MED12L: variants seen among roughly 807,000 people sequenced by gnomAD.
The protein encoded by MED12L is mediator complex subunit 12L.
Under a neutral mutation model 281.3 loss-of-function variants are expected in MED12L, and 60 were observed. The ratio of observed to expected loss-of-function variants is 0.21; its 90% CI spans 0.17 to 0.26. MED12L has a LOEUF of 0.26. Among genes scored for constraint, MED12L ranks in the 10% least tolerant of loss-of-function variants. MED12L has a pLI of 1.00. For synonymous variants in MED12L, 974 were observed against 987.2 expected, an observed-to-expected ratio of 0.99 and a Z score of 0.25; for missense variants, 2,146 against 2,680.9, an observed-to-expected ratio of 0.80 and a Z score of 4.41.
intron 16 of MED12L, among the ~76,000 whole-genome samples, chr3:151,270,568 C>T (rs974298624): frequency 1.3e-5 from 2 of 152,016 alleles, no homozygotes; most frequent in African/African-American, 4.8e-5. Flanking sequence ...TGTGTCTCTG[C>T]GTGAATATGG....
intron 39 of MED12L, among the ~76,000 whole-genome samples, chr3:151,406,920 C>G (rs1030399768): frequency 2.0e-5 from 3 of 151,892 alleles, no homozygotes; most frequent in Non-Finnish European, 4.4e-5. Flanking sequence ...TCACCTCAAC[C>G]TTCCAAGTAG....
intron 2 of MED12L, among the ~76,000 whole-genome samples, chr3:151,087,661 A>G (rs991071343): frequency 3.3e-5 from 5 of 152,174 alleles, no homozygotes; most frequent in African/African-American, 9.7e-5. Context: ...AAAGCAGGCG[A>G]GTTACCTTGG....
At chr3:151,318,300 C>A (rs1262061072) in intron 16 of MED12L, among the ~76,000 whole-genome samples, 1 of 151,798 alleles carries the variant, frequency 6.6e-6, no homozygotes, top group Non-Finnish European at 1.5e-5. Context: ...TTGACTCTCT[C>A]TGTGCTATTT....
chr3:151,086,649 C>T (rs573222973), intron 1 of MED12L, 149 bp from the exon 2 acceptor site: 49 of 305,776 alleles, frequency 1.6e-4, no homozygotes, highest in Admixed American at 3.4e-4. Context: ...GGACCCTGGC[C>T]GACCTCTAGT....
rs1035962708 is a variant in MED12L at position 151,262,047 on chromosome 3, A to G, written c.2250+68381A>G. Among the ~76,000 whole-genome samples the G allele has an allele frequency of 4.6e-5, 7 of 152,210 alleles. 1 individual carries two copies. Among genetic ancestry groups the G allele is most frequent in the African/African-American group, 1.7e-4 (7 of 41,446 alleles). The stretch of plus-strand genomic sequence containing the variant: ...CAGCTGAAGGGGTAGATGTTTTAAC[A>G]AACATGTTAAAGTTTGAGAATCACT... On this transcript the variant is annotated intron_variant, in intron 16 of 44. Transcript: ENST00000687756.
At chr3:151,220,514 C>T (rs954080068) in intron 16 of MED12L, among the ~76,000 whole-genome samples, 2 of 152,100 alleles carry the variant, frequency 1.3e-5, no homozygotes, top group African/African-American at 2.4e-5. Context: ...TTGTAGCTCC[C>T]GTAATACCCA....
intron 16 of MED12L, among the ~76,000 whole-genome samples, chr3:151,293,637 T>A (rs1278688102): frequency 4.0e-5 from 1 of 24,728 alleles, no homozygotes; most frequent in African/African-American, 1.4e-4. Context: ...AATGAAGCCC[T>A]TACACACACA....
chr3:151,385,330 A>G (rs940134790), intron 36 of MED12L, 139 bp downstream of exon 36: 2 of 531,178 alleles, frequency 3.8e-6, no homozygotes, highest in African/African-American at 2.0e-5. Context: ...TTCTAAGTGT[A>G]CTTAGTCATT....
At chr3:151,334,575 G>A (rs1287376525) in intron 16 of MED12L, among the ~76,000 whole-genome samples, 4 of 151,798 alleles carry the variant, frequency 2.6e-5, no homozygotes, top group South Asian at 4.2e-4. Context: ...GCTCAATCTC[G>A]GCTCACTGCA....
At chr3:151,348,220 A>G (rs1238648926) in intron 16 of MED12L, among the ~76,000 whole-genome samples, 1 of 151,850 alleles carries the variant, frequency 6.6e-6, no homozygotes, top group Non-Finnish European at 1.5e-5. Context: ...GGACCATCTG[A>G]TATGCCTTAA....
chr3:151,270,196 C>CTGTGTGTGTGTGTGTGT (rs71621430), intron 16 of MED12L: 1 of 129,646 alleles, frequency 7.7e-6, no homozygotes, highest in African/African-American at 3.3e-5. Context: ...AGCAAGCTGT[C>CTGTGTGTGTGTGTGTGT]GTGTGTGTGT....
intron 16 of MED12L, among the ~76,000 whole-genome samples, chr3:151,341,968 A>G (rs554624946): frequency 6.6e-6 from 1 of 152,264 alleles, no homozygotes; most frequent in South Asian, 2.1e-4. Flanking sequence ...TTCTTAATCC[A>G]GTCTATCATT....
intron 19 of MED12L, 117 bp from the exon 20 acceptor site, chr3:151,357,096 A>C (rs1394557625): frequency 2.2e-6 from 2 of 914,384 alleles, no homozygotes; most frequent in Non-Finnish European, 3.2e-6. Flanking sequence ...AAAAAGTTAA[A>C]TTTAGGGAAT....
chr3:151,353,993 T>G (rs1343307105), intron 17 of MED12L, among the ~76,000 whole-genome samples: 1 of 124,548 alleles, frequency 8.0e-6, no homozygotes, highest in Non-Finnish European at 1.6e-5. Flanking sequence ...TACAAAAAAT[T>G]AGCCGGGCGT....
chr3:151,239,483 C>G (rs988932403), intron 16 of MED12L, among the ~76,000 whole-genome samples: 1 of 152,060 alleles, frequency 6.6e-6, no homozygotes, highest in Non-Finnish European at 1.5e-5. Flanking sequence ...CTTCTCTAGG[C>G]CAGATGTTAA....
At chr3:151,296,222 G>A (rs1745071267) in intron 16 of MED12L, among the ~76,000 whole-genome samples, 1 of 152,042 alleles carries the variant, frequency 6.6e-6, no homozygotes, top group African/African-American at 2.4e-5. Flanking sequence ...TTGCTTCTTT[G>A]GAATTTTTAG....
chr3:151,283,293 A>C (rs1743050570), intron 16 of MED12L, among the ~76,000 whole-genome samples: 1 of 152,258 alleles, frequency 6.6e-6, no homozygotes, highest in Admixed American at 6.5e-5. Flanking sequence ...CTGTATTGCT[A>C]GCATTAGATT....
chr3:151,416,308 C>G lies in MED12L; in HGVS notation c.6298-4C>G, dbSNP rs752708362. On this transcript the variant is annotated splice_polypyrimidine_tract_variant and splice_region_variant and intron_variant, in intron 42 of 44. Coordinates refer to ENST00000687756, the MANE Select transcript of MED12L (RefSeq NM_001393769.1). Reference sequence around the variant, plus strand: ...AGTGTATAACATTTTTACCCTCTTTCCAGATGCAGCAGCCCCAGCAGCCCC... The same window carrying G: ...AGTGTATAACATTTTTACCCTCTTTGCAGATGCAGCAGCCCCAGCAGCCCC... The G allele has an allele frequency of 1.2e-6, 2 of 1,612,990 alleles. No individual in the cohort carries two copies. The highest frequency in any genetic ancestry group is 3.8e-4 in the Middle Eastern group (2 of 5,268).
chr3:151,353,795 A>C (rs1373623341), intron 17 of MED12L, among the ~76,000 whole-genome samples: 1 of 152,238 alleles, frequency 6.6e-6, no homozygotes, highest in Admixed American at 6.5e-5. Context: ...TTCCTAAAGA[A>C]GACGACAGTG....
Sources: allele counts gnomAD v4.1 joint callset (sites outside exome capture counted in the v4.1 genomes callset), GRCh38; gene constraint gnomAD v4.1.1; transcripts MANE v1.5; gene names NCBI Gene and HGNC (gene_info 2026-07-23, HGNC 2026-07-21).